Variants in DLG2 observed in about 807,000 individuals in gnomAD.
DLG2 encodes the protein discs large MAGUK scaffold protein 2, also known as disks large homolog 2.
Under a neutral mutation model 132.5 loss-of-function variants are expected in DLG2, and 45 were observed. That is an observed-to-expected ratio of 0.34 (90% CI 0.27 to 0.44). DLG2 has a LOEUF of 0.44. Among genes scored for constraint, DLG2 ranks in the 20% least tolerant of loss-of-function variants. The pLI is 1.00. For synonymous variants in DLG2, 424 were observed against 419.6 expected, an observed-to-expected ratio of 1.01 and a Z score of -0.13; for missense variants, 1,045 against 1,196.9, an observed-to-expected ratio of 0.87 and a Z score of 1.87.
chr11:84,678,180 C>T (rs2099719260), intron 6 of DLG2, among the ~76,000 whole-genome samples: 1 of 152,064 alleles, frequency 6.6e-6, no homozygotes, highest in South Asian at 2.1e-4. Context: ...TCCATAGCTG[C>T]TTTTCTCTTC....
chr11:84,224,843 T>C (rs1041318246), intron 8 of DLG2, among the ~76,000 whole-genome samples: 1 of 152,222 alleles, frequency 6.6e-6, no homozygotes, highest in Non-Finnish European at 1.5e-5. Flanking sequence ...CTGAATTACC[T>C]ATCCTTTTTC....
intron 11 of DLG2, among the ~76,000 whole-genome samples, chr11:84,053,528 T>C (rs2096441704): frequency 6.6e-6 from 1 of 151,978 alleles, no homozygotes; most frequent in Non-Finnish European, 1.5e-5. Flanking sequence ...ATTAATGAGT[T>C]CTTTGCTACT....
At chr11:83,593,504 G>C (rs182950956) in intron 19 of DLG2, among the ~76,000 whole-genome samples, 1 of 151,804 alleles carries the variant, frequency 6.6e-6, no homozygotes, top group Non-Finnish European at 1.5e-5. Context: ...TGGGGTTGGC[G>C]GAGGGGGGAG....
intron 4 of DLG2, among the ~76,000 whole-genome samples, chr11:85,270,693 T>A (rs2077474429): frequency 6.6e-6 from 1 of 152,192 alleles, no homozygotes; most frequent in African/African-American, 2.4e-5. Context: ...CAAATGGAGA[T>A]AAGGAACTTG....
intron 16 of DLG2, 93 bp from the exon 17 acceptor site, chr11:83,833,863 T>A: frequency 7.9e-7 from 1 of 1,273,098 alleles, no homozygotes; most frequent in Non-Finnish European, 1.1e-6. Context: ...TATCAGCAAC[T>A]CACTACTTGT....
At chr11:83,961,377 A>G (rs1253079155) in intron 14 of DLG2, among the ~76,000 whole-genome samples, 1 of 152,014 alleles carries the variant, frequency 6.6e-6, no homozygotes, top group East Asian at 1.9e-4. Flanking sequence ...GTTTTATATG[A>G]CTTGGTTTTC....
At chr11:84,886,941 G>A (rs1050732311) in intron 6 of DLG2, among the ~76,000 whole-genome samples, 1 of 152,094 alleles carries the variant, frequency 6.6e-6, no homozygotes, top group Non-Finnish European at 1.5e-5. Flanking sequence ...TATCAAAGTA[G>A]TATATAAGCT....
chr11:85,146,679 C>T (rs1266338641), intron 5 of DLG2, among the ~76,000 whole-genome samples: 1 of 152,100 alleles, frequency 6.6e-6, no homozygotes, highest in Non-Finnish European at 1.5e-5. Context: ...AAGCTGAATG[C>T]CTGGAATTAG....
chr11:84,091,606 G>T (rs1172572995), intron 10 of DLG2, among the ~76,000 whole-genome samples: 1 of 152,184 alleles, frequency 6.6e-6, no homozygotes, highest in Admixed American at 6.5e-5. Context: ...GGGAATTTTA[G>T]GGTCCAGAAT....
rs573822421 is a variant in DLG2 at position 85,467,342 on chromosome 11, CTA to C, written c.40+131313_40+131314del. ...ATTGCCCTGGCCAGAACTTCCAACA[CTA>C]TGTTGAATAGGAGTGGTGAGAGAGG... is the stretch of plus-strand genomic sequence containing the variant. On this transcript the variant is annotated intron_variant, in intron 3 of 27. Transcript: ENST00000376104. Among the ~76,000 whole-genome samples, 533 of 152,264 alleles carry C rather than the reference CTA, an allele frequency of 3.5e-3. 1 individual carries two copies. The highest frequency in any genetic ancestry group is 6.0e-3 in the Non-Finnish European group (406 of 68,022).
At chr11:85,148,049 T>C (rs139664214) in intron 5 of DLG2, among the ~76,000 whole-genome samples, 1,595 of 152,268 alleles carry the variant, frequency 0.01, 26 homozygotes, top group African/African-American at 0.035. Context: ...TGATGGTTTC[T>C]AGCTTCATCC....
rs561302098 is a variant in DLG2 at position 85,500,565 on chromosome 11, T to A, written c.40+98092A>T. ...ATAAAAAAAATAAAAATAAAATAAATAAATAAATAAATAAAGTTACAAAAT... is the reference window on the plus strand; with the variant it reads ...ATAAAAAAAATAAAAATAAAATAAAAAAATAAATAAATAAAGTTACAAAAT... On this transcript the variant is annotated intron_variant, in intron 3 of 27. Transcript: ENST00000376104. 2.7e-3 allele frequency among the ~76,000 whole-genome samples: 257 copies of A among 94,960 alleles called. 9 individuals are homozygous for A. The highest frequency in any genetic ancestry group is 9.3e-3 in the African/African-American group (243 of 26,208). 62.3% of individuals were successfully genotyped at this position (94,960 alleles called of 152,430 possible).
At chr11:84,282,032 A>G (rs368436577) in intron 7 of DLG2, among the ~76,000 whole-genome samples, 5 of 152,238 alleles carry the variant, frequency 3.3e-5, no homozygotes, top group Non-Finnish European at 7.3e-5. Context: ...CTGAGGATAA[A>G]TAAAAGCACA....
chr11:85,438,872 A>G, intron 3 of DLG2, among the ~76,000 whole-genome samples: 1 of 152,220 alleles, frequency 6.6e-6, no homozygotes, highest in African/African-American at 2.4e-5. Flanking sequence ...TCTGATAACC[A>G]CAAATCTGTC....
chr11:83,999,354 G>A (rs1565976757), intron 11 of DLG2, among the ~76,000 whole-genome samples: 1 of 152,070 alleles, frequency 6.6e-6, no homozygotes, highest in Non-Finnish European at 1.5e-5. Context: ...ACCACCTGTG[G>A]GCCTGGAGAC....
intron 11 of DLG2, among the ~76,000 whole-genome samples, chr11:83,984,335 C>A (rs767928668): frequency 6.6e-6 from 1 of 152,058 alleles, no homozygotes; most frequent in African/African-American, 2.4e-5. Flanking sequence ...GTAAATGTTC[C>A]TCTCAGAGCC....
intron 3 of DLG2, among the ~76,000 whole-genome samples, chr11:85,422,150 T>C (rs1272647603): frequency 6.6e-6 from 1 of 152,238 alleles, no homozygotes; most frequent in African/African-American, 2.4e-5. Context: ...GATAACCTGA[T>C]AACAATGTGC....
chr11:84,420,633 T>C (rs185705647), intron 7 of DLG2, among the ~76,000 whole-genome samples: 131 of 140,662 alleles, frequency 9.3e-4, no homozygotes, highest in African/African-American at 3.3e-3. Context: ...CTCAGCACAG[T>C]GACCAATGCT....
intron 15 of DLG2, among the ~76,000 whole-genome samples, chr11:83,906,666 A>C (rs2075044162): frequency 6.6e-6 from 1 of 152,156 alleles, no homozygotes; most frequent in Admixed American, 6.6e-5. Context: ...ATAACCTTCG[A>C]GGTAAACATT....
Sources: allele counts gnomAD v4.1 joint callset (sites outside exome capture counted in the v4.1 genomes callset), GRCh38; gene constraint gnomAD v4.1.1; transcripts MANE v1.5; gene names NCBI Gene and HGNC (gene_info 2026-07-23, HGNC 2026-07-21).